IGF2BP2: variants seen among roughly 807,000 people sequenced by gnomAD.
IGF2BP2 encodes the protein insulin like growth factor 2 mRNA binding protein 2.
Under a neutral mutation model 75.8 loss-of-function variants are expected in IGF2BP2, and 17 were observed. The ratio of observed to expected loss-of-function variants is 0.22; its 90% CI spans 0.15 to 0.34. The LOEUF (loss-of-function observed/expected upper bound fraction) is 0.34. Ranked by LOEUF, IGF2BP2 falls within the 10% of genes least tolerant of loss-of-function variation. The probability of loss-of-function intolerance (pLI) is 1.00; values close to 1 mark genes in which losing one functional copy is unlikely to be tolerated. For missense variants in IGF2BP2, 516 were observed against 772.4 expected (o/e 0.67, Z 3.93); for synonymous variants, 288 against 295.6 (o/e 0.97, Z 0.26).
chr3:185,729,105 T>C (rs59972499), intron 2 of IGF2BP2, among the ~76,000 whole-genome samples: 2 of 144,212 alleles, frequency 1.4e-5, no homozygotes, highest in South Asian at 2.2e-4. Context: ...AGATTACTGC[T>C]TTTTTTTTTT....
chr3:185,786,477 C>T (rs1292939861), intron 2 of IGF2BP2, among the ~76,000 whole-genome samples: 1 of 152,174 alleles, frequency 6.6e-6, no homozygotes, highest in African/African-American at 2.4e-5. Context: ...CTTAACTGAG[C>T]AATTAACCTT....
chr3:185,698,418 C>T, intron 2 of IGF2BP2, 71 bp from the exon 3 acceptor site: 1 of 1,391,096 alleles, frequency 7.2e-7, no homozygotes, highest in African/African-American at 1.4e-5. Context: ...TAAAAACCGG[C>T]TTAAACCCGT....
At chr3:185,713,530 G>A (rs1275446177) in intron 2 of IGF2BP2, 1 of 518,438 alleles carries the variant, frequency 1.9e-6, no homozygotes, top group Non-Finnish European at 3.9e-6. Context: ...TGAGGGGAGT[G>A]GGGAGTGCTG....
chr3:185,794,700 TA>T (rs946960164), intron 2 of IGF2BP2, among the ~76,000 whole-genome samples: 9 of 151,608 alleles, frequency 5.9e-5, no homozygotes, highest in African/African-American at 2.2e-4. Flanking sequence ...AATTTTCAGG[TA>T]AACAGCTCAG....
At chr3:185,745,789 A>G (rs1459969194) in intron 2 of IGF2BP2, among the ~76,000 whole-genome samples, 1 of 145,526 alleles carries the variant, frequency 6.9e-6, no homozygotes, top group Admixed American at 6.9e-5. Flanking sequence ...CTGCTGCCCA[A>G]CAGGTTGAAA....
At chr3:185,688,857 C>A (rs1721514545) in intron 6 of IGF2BP2, among the ~76,000 whole-genome samples, 1 of 152,174 alleles carries the variant, frequency 6.6e-6, no homozygotes, top group Non-Finnish European at 1.5e-5. Flanking sequence ...CCAACTCTTA[C>A]AATCAGTTCA....
chr3:185,760,729 A>G (rs1188862506), intron 2 of IGF2BP2, among the ~76,000 whole-genome samples: 1 of 152,168 alleles, frequency 6.6e-6, no homozygotes, highest in African/African-American at 2.4e-5. Flanking sequence ...TCTGGCCGGC[A>G]TTCATGGAGT....
chr3:185,813,983 G>A (rs1469255529), intron 2 of IGF2BP2: 1 of 152,280 alleles, frequency 6.6e-6, no homozygotes, highest in Non-Finnish European at 1.5e-5. Context: ...CATACTCAGA[G>A]TTTTTAAGTG....
At chr3:185,821,936 C>T (rs1305729852) in intron 2 of IGF2BP2, among the ~76,000 whole-genome samples, 1 of 151,494 alleles carries the variant, frequency 6.6e-6, no homozygotes, top group Non-Finnish European at 1.5e-5. Context: ...ACATCTTTCC[C>T]AATAGAGGAA....
intron 2 of IGF2BP2, among the ~76,000 whole-genome samples, chr3:185,773,351 A>T (rs918938413): frequency 5.3e-5 from 8 of 152,248 alleles, no homozygotes; most frequent in African/African-American, 1.9e-4. Flanking sequence ...TGGCTAAGAC[A>T]GAATGATCTA....
chr3:185,653,524 G>C (rs937947711), intron 12 of IGF2BP2, among the ~76,000 whole-genome samples: 1 of 151,986 alleles, frequency 6.6e-6, no homozygotes, highest in Non-Finnish European at 1.5e-5. Flanking sequence ...GGGAGGCTGA[G>C]GCAGGAGAAT....
intron 7 of IGF2BP2, among the ~76,000 whole-genome samples, chr3:185,686,255 A>C (rs1197287169): frequency 6.6e-6 from 1 of 152,048 alleles, no homozygotes; most frequent in Non-Finnish European, 1.5e-5. Flanking sequence ...ATGGTGGCGC[A>C]CGCCTGTAAT....
At chr3:185,776,404 AG>A (rs1734536244) in intron 2 of IGF2BP2, among the ~76,000 whole-genome samples, 1 of 152,176 alleles carries the variant, frequency 6.6e-6, no homozygotes, top group Non-Finnish European at 1.5e-5. Context: ...TTGGATGTGA[AG>A]GATCAGAAAA....
intron 1 of IGF2BP2, 24 bp downstream of exon 1, chr3:185,824,759 G>C (rs1408022399): frequency 7.7e-7 from 1 of 1,301,006 alleles, no homozygotes; most frequent in Admixed American, 3.0e-5. Context: ...GAGGCGGGGG[G>C]AGGGGGCCGC....
chr3:185,798,459 A>G (rs1737735589), intron 2 of IGF2BP2, among the ~76,000 whole-genome samples: 1 of 152,228 alleles, frequency 6.6e-6, no homozygotes, highest in Non-Finnish European at 1.5e-5. Flanking sequence ...CTGTGTTTCT[A>G]TGACCACATG....
chr3:185,723,584 G>A (rs1419912003), intron 2 of IGF2BP2, among the ~76,000 whole-genome samples: 2 of 152,204 alleles, frequency 1.3e-5, no homozygotes, highest in Admixed American at 6.5e-5. Flanking sequence ...ACTAGCACAG[G>A]TGTTCCAGCA....
intron 2 of IGF2BP2, among the ~76,000 whole-genome samples, chr3:185,775,182 A>G (rs987274943): frequency 2.0e-5 from 3 of 152,252 alleles, no homozygotes; most frequent in African/African-American, 7.2e-5. Flanking sequence ...GTTATATGAG[A>G]AAAACATGCA....
chr3:185,806,316 T>C (rs1739021295), intron 2 of IGF2BP2, among the ~76,000 whole-genome samples: 1 of 152,204 alleles, frequency 6.6e-6, no homozygotes, highest in South Asian at 2.1e-4. Flanking sequence ...TCTATTCTGG[T>C]TGACTAAAAT....
At chr3:185,805,646 T>C (rs1410051687) in intron 2 of IGF2BP2, among the ~76,000 whole-genome samples, 2 of 152,150 alleles carry the variant, frequency 1.3e-5, no homozygotes, top group Admixed American at 6.6e-5. Flanking sequence ...AGCCAAAATA[T>C]TTTAAAAACC....
Sources: allele counts gnomAD v4.1 joint callset (sites outside exome capture counted in the v4.1 genomes callset), GRCh38; gene constraint gnomAD v4.1.1; transcripts MANE v1.5; gene names NCBI Gene and HGNC (gene_info 2026-07-23, HGNC 2026-07-21).